Variants in SOX5 observed in about 807,000 individuals in gnomAD.
SOX5 encodes SRY-box transcription factor 5.
In SOX5, 9 loss-of-function variants were observed where a neutral mutation model predicts 92.0. The ratio of observed to expected loss-of-function variants is 0.10; its 90% CI spans 0.06 to 0.17. The LOEUF (loss-of-function observed/expected upper bound fraction) is 0.17. SOX5 is among the 10% of genes least tolerant of loss of function. The probability of loss-of-function intolerance (pLI) is 1.00; values close to 1 mark genes in which losing one functional copy is unlikely to be tolerated. For missense variants in SOX5, 642 were observed against 944.5 expected (o/e 0.68, Z 4.20); for synonymous variants, 344 against 336.3 (o/e 1.02, Z -0.25).
chr12:24,519,016 C>A (rs2955488), intron 1 of SOX5, among the ~76,000 whole-genome samples: 1 of 151,844 alleles, frequency 6.6e-6, no homozygotes, highest in Non-Finnish European at 1.5e-5. Flanking sequence ...AATATAAAAA[C>A]GTTTATTCTT....
intron 3 of SOX5, among the ~76,000 whole-genome samples, chr12:23,791,856 AATAAAGTATTTGAAATAGGTATCAC>A (rs2095480586): frequency 6.6e-6 from 1 of 151,978 alleles, no homozygotes; most frequent in African/African-American, 2.4e-5. Context: ...ACCTATTTCA[AATAAAGTATTTGAAATAGGTATCAC>A]TTTTTTGAAA....
At chr12:24,460,306 G>T (rs530684254) in intron 1 of SOX5, among the ~76,000 whole-genome samples, 1 of 152,298 alleles carries the variant, frequency 6.6e-6, no homozygotes, top group African/African-American at 2.4e-5. Flanking sequence ...TGCTACAAAT[G>T]TGTAGAGTAA....
At chr12:23,997,002 G>A (rs1273236437) in intron 4 of SOX5, among the ~76,000 whole-genome samples, 1 of 152,136 alleles carries the variant, frequency 6.6e-6, no homozygotes, top group Non-Finnish European at 1.5e-5. Flanking sequence ...TGTTGAAGGA[G>A]AGTCTTTTTG....
intron 4 of SOX5, among the ~76,000 whole-genome samples, chr12:24,122,511 T>C (rs2138348976): frequency 6.6e-6 from 1 of 152,318 alleles, no homozygotes. Context: ...ACCCCAAGCA[T>C]AGTAATTATT....
At chr12:24,379,436 C>A (rs758249395) in intron 1 of SOX5, among the ~76,000 whole-genome samples, 18 of 152,172 alleles carry the variant, frequency 1.2e-4, no homozygotes, top group Non-Finnish European at 1.6e-4. Context: ...TATCCCCTAG[C>A]AATTGAGATT....
intron 1 of SOX5, among the ~76,000 whole-genome samples, chr12:24,514,823 G>T (rs1390354067): frequency 6.6e-6 from 1 of 152,142 alleles, no homozygotes. Flanking sequence ...AATATCGCGT[G>T]TTCTCACTCA....
intron 1 of SOX5, among the ~76,000 whole-genome samples, chr12:24,429,072 C>T (rs1937684080): frequency 6.6e-6 from 1 of 152,118 alleles, no homozygotes; most frequent in Non-Finnish European, 1.5e-5. Context: ...AATCCCAGCA[C>T]TTTGGGAGGC....
At chr12:24,111,405 C>A (rs1357266958) in intron 4 of SOX5, among the ~76,000 whole-genome samples, 1 of 152,162 alleles carries the variant, frequency 6.6e-6, no homozygotes, top group Non-Finnish European at 1.5e-5. Context: ...CTTACCAAGT[C>A]TGACTAAAAC....
At chr12:23,721,119 CT>C (rs1242588127) in intron 6 of SOX5, among the ~76,000 whole-genome samples, 12 of 151,976 alleles carry the variant, frequency 7.9e-5, no homozygotes, top group Admixed American at 7.9e-4. Context: ...GAGTTTCACT[CT>C]TGTTGCCCAG....
intron 6 of SOX5, among the ~76,000 whole-genome samples, chr12:23,713,776 C>G (rs550744859): frequency 6.8e-6 from 1 of 147,414 alleles, no homozygotes; most frequent in Non-Finnish European, 1.5e-5. Context: ...TAATCTATGA[C>G]TAGCATTATT....
At position 24,393,208 on chromosome 12, in the gene SOX5, T is replaced by C. The variant is rs528461535; in HGVS notation, c.-250-24569A>G. Among the ~76,000 whole-genome samples the C allele has an allele frequency of 1.3e-5, 2 of 152,216 alleles. No homozygotes were observed. Among genetic ancestry groups the C allele is most frequent in the South Asian group, 2.1e-4 (1 of 4,834 alleles). ...ACTGCCTGGGGCAGCCTGGGGCTGATGGATGATGACAGCTAGCAGACAAAT... is the reference window on the plus strand; with the variant it reads ...ACTGCCTGGGGCAGCCTGGGGCTGACGGATGATGACAGCTAGCAGACAAAT... On this transcript the variant is annotated intron_variant, in intron 1 of 4. Transcript: ENST00000446891. The surrounding 1 kb of genome is among the most constrained non-coding windows in gnomAD (Gnocchi z 5.0).
At chr12:24,151,636 T>A (rs1403254882) in intron 4 of SOX5, among the ~76,000 whole-genome samples, 5 of 152,076 alleles carry the variant, frequency 3.3e-5, no homozygotes, top group Non-Finnish European at 7.4e-5. Flanking sequence ...GGGAATCATA[T>A]TAGTTGTTTG....
intron 1 of SOX5, among the ~76,000 whole-genome samples, chr12:23,937,442 A>T (rs1595775968): frequency 6.6e-6 from 1 of 150,954 alleles, no homozygotes; most frequent in East Asian, 1.9e-4. Flanking sequence ...TAGTGATGAA[A>T]CAGTACTGCT....
chr12:23,677,888 A>G (rs980472870), intron 6 of SOX5, among the ~76,000 whole-genome samples: 4 of 152,180 alleles, frequency 2.6e-5, no homozygotes, highest in Non-Finnish European at 4.4e-5. Context: ...AGCTCCCCCA[A>G]TTCAACTATA....
chr12:23,867,414 C>T (rs903738256), intron 2 of SOX5, among the ~76,000 whole-genome samples: 1 of 152,110 alleles, frequency 6.6e-6, no homozygotes, highest in African/African-American at 2.4e-5. Context: ...AGGCAAGTCT[C>T]TTATCCTGTC....
intron 3 of SOX5, among the ~76,000 whole-genome samples, chr12:24,243,348 G>A (rs1055510497): frequency 6.6e-6 from 1 of 152,114 alleles, no homozygotes; most frequent in African/African-American, 2.4e-5. Flanking sequence ...TTTAAAGTGT[G>A]TTTTTCTGTA....
intron 1 of SOX5, among the ~76,000 whole-genome samples, chr12:24,515,888 A>G (rs1448093284): frequency 2.0e-5 from 3 of 152,156 alleles, no homozygotes; most frequent in African/African-American, 7.2e-5. Context: ...GGAAGCTTAA[A>G]CTCACTTTAA....
Position 24,506,784 on chromosome 12 carries a change from C to CTTTTTTTTTTTTTTTT in SOX5, c.-251+55529_-251+55544dup, listed in dbSNP as rs386375924. On this transcript the variant is annotated intron_variant, in intron 1 of 4. Coordinates refer to the SOX5 transcript ENST00000446891. ...CTGTATTTCATGGTATCCAAATGGT[C>CTTTTTTTTTTTTTTTT]TTTTTTTTTTTTTTTTTTTTTTGGA... Among the ~76,000 whole-genome samples the CTTTTTTTTTTTTTTTT allele has an allele frequency of 2.8e-3, 233 of 81,762 alleles. 11 individuals carry two copies. Among genetic ancestry groups the CTTTTTTTTTTTTTTTT allele is most frequent in the Non-Finnish European group, 3.6e-3 (163 of 45,146 alleles). The allele number at this position is 81,762 out of a possible 152,430, so 53.6% of individuals were successfully genotyped here. A position where few individuals can be genotyped will look rare whatever the true frequency, so the allele number is the denominator to read the frequency against.
chr12:23,709,103 TTTTA>T (rs1056079863), intron 6 of SOX5, among the ~76,000 whole-genome samples: 1 of 152,086 alleles, frequency 6.6e-6, no homozygotes, highest in African/African-American at 2.4e-5. Context: ...TATTTTTAAA[TTTTA>T]TTTATTTATT....
Sources: allele counts gnomAD v4.1 joint callset (sites outside exome capture counted in the v4.1 genomes callset), GRCh38; gene constraint gnomAD v4.1.1; non-coding constraint Gnocchi (gnomAD v3.1); transcripts MANE v1.5; gene names NCBI Gene and HGNC (gene_info 2026-07-23, HGNC 2026-07-21).